The following EFCAB13 variants were observed in gnomAD, a reference collection of about 807,000 sequenced individuals.
EFCAB13 encodes the protein EF-hand calcium-binding domain-containing protein 13.
A neutral mutation model predicts 110.2 loss-of-function variants in EFCAB13; 91 were observed. That is an observed-to-expected ratio of 0.83 (90% CI 0.70 to 0.98). The LOEUF is 0.98. Among genes scored for constraint, EFCAB13 ranks in the 50% least tolerant of loss-of-function variants. The pLI is 0.00. For missense variants in EFCAB13, 968 were observed against 1,119.4 expected (o/e 0.86, Z 1.93); for synonymous variants, 323 against 369.9 (o/e 0.87, Z 1.45).
At chr17:47,428,848 ATTG>A (rs1384695393) in intron 23 of EFCAB13, among the ~76,000 whole-genome samples, 2 of 152,116 alleles carry the variant, frequency 1.3e-5, no homozygotes, top group East Asian at 1.9e-4. Flanking sequence ...TTATGATTGT[ATTG>A]TTATTATGTA....
At chr17:47,397,202 C>T (rs968145969) in intron 17 of EFCAB13, among the ~76,000 whole-genome samples, 4 of 145,854 alleles carry the variant, frequency 2.7e-5, no homozygotes, top group East Asian at 5.7e-4. Context: ...TTGGTGGAGA[C>T]GGGGTTTCGC....
At chr17:47,421,362 T>A (rs944101632) in intron 23 of EFCAB13, among the ~76,000 whole-genome samples, 1 of 152,030 alleles carries the variant, frequency 6.6e-6, no homozygotes, top group Non-Finnish European at 1.5e-5. Flanking sequence ...CTGAAACATG[T>A]GTACTCAGGG....
At chr17:47,419,814 G>C (rs1904570633) in intron 23 of EFCAB13, among the ~76,000 whole-genome samples, 1 of 152,060 alleles carries the variant, frequency 6.6e-6, no homozygotes, top group Admixed American at 6.5e-5. Context: ...TTAAAAGGCT[G>C]TGAACATTGT....
intron 7 of EFCAB13, 35 bp from the exon 8 acceptor site, chr17:47,344,981 A>G (rs376846216): frequency 4.0e-6 from 6 of 1,517,178 alleles, no homozygotes; most frequent in Non-Finnish European, 4.5e-6. Context: ...GCATATTTTC[A>G]TTGCCACTTT....
At chr17:47,333,232 G>T (rs1352871879) in intron 4 of EFCAB13, among the ~76,000 whole-genome samples, 1 of 152,156 alleles carries the variant, frequency 6.6e-6, no homozygotes, top group Admixed American at 6.5e-5. Flanking sequence ...CCATTCGTAT[G>T]TCTTCTTTTG....
intron 17 of EFCAB13, among the ~76,000 whole-genome samples, chr17:47,400,975 T>G (rs2065775793): frequency 6.6e-6 from 1 of 152,118 alleles, no homozygotes; most frequent in Non-Finnish European, 1.5e-5. Flanking sequence ...AAAAGAAGCA[T>G]GAGGAATGGA....
At chr17:47,409,737 TA>T (rs1387622003) in intron 21 of EFCAB13, 46 bp downstream of exon 21, 10 of 1,415,218 alleles carry the variant, frequency 7.1e-6, no homozygotes, top group African/African-American at 1.4e-5. Flanking sequence ...TAATAAGAGA[TA>T]TTTTTTAGAA....
Position 47,374,787 on chromosome 17 carries a change from G to A in EFCAB13, c.1193G>A (p.Gly398Asp). The change falls in exon 12 of 25, where the codon GGT becomes GAT. Residue 398 changes from glycine (G) to aspartate (D), a missense_variant. By Grantham distance (94) the Gly-to-Asp change is moderately conservative. Transcript: ENST00000331493. Reference protein sequence around the residue: ...GINFKKHSEKGEIHDSKSKPQ... With the variant: ...GINFKKHSEKDEIHDSKSKPQ... Reference sequence around the variant, plus strand: ...AACTTTAAAAAACATTCAGAGAAGGGTGAAATTCATGACTCAAAGTCTAAA... The same window carrying A: ...AACTTTAAAAAACATTCAGAGAAGGATGAAATTCATGACTCAAAGTCTAAA... 10 of 1,614,042 alleles carry A rather than the reference G, an allele frequency of 6.2e-6. No homozygotes were observed. The South Asian group carries it at 6.6e-5, about 11-fold the overall frequency.
At chr17:47,423,035 C>T (rs1237574396) in intron 23 of EFCAB13, among the ~76,000 whole-genome samples, 2 of 152,038 alleles carry the variant, frequency 1.3e-5, no homozygotes, top group Non-Finnish European at 2.9e-5. Flanking sequence ...GAAAGGATGG[C>T]CTTTTAAATA....
At chr17:47,345,921 T>G (rs992434729) in intron 8 of EFCAB13, among the ~76,000 whole-genome samples, 2 of 152,160 alleles carry the variant, frequency 1.3e-5, no homozygotes, top group African/African-American at 4.8e-5. Context: ...AAATACTCAA[T>G]TATGTCACCT....
At chr17:47,335,378 T>C in intron 5 of EFCAB13, 22 bp downstream of exon 5, 1 of 1,561,554 alleles carries the variant, frequency 6.4e-7, no homozygotes, top group Non-Finnish European at 8.6e-7. Flanking sequence ...ACTCTGAACT[T>C]ACTTTATTGA....
chr17:47,342,948 C>A (rs2065394173), intron 6 of EFCAB13, among the ~76,000 whole-genome samples: 1 of 152,020 alleles, frequency 6.6e-6, no homozygotes, highest in Non-Finnish European at 1.5e-5. Flanking sequence ...CTATTTTTTA[C>A]CTCCAGAAAT....
chr17:47,327,222 G>A (rs2065291260), intron 3 of EFCAB13, among the ~76,000 whole-genome samples: 1 of 152,152 alleles, frequency 6.6e-6, no homozygotes, highest in Admixed American at 6.5e-5. Flanking sequence ...TTGGAGTGCA[G>A]TGGCGTGGTC....
chr17:47,381,567 A>G (rs995135714), intron 14 of EFCAB13, among the ~76,000 whole-genome samples: 5 of 152,212 alleles, frequency 3.3e-5, no homozygotes, highest in Non-Finnish European at 4.4e-5. Context: ...AGTTTTCTGC[A>G]TATGGGTAGC....
chr17:47,392,095 G>A (rs192388752), intron 15 of EFCAB13, among the ~76,000 whole-genome samples: 107 of 152,164 alleles, frequency 7.0e-4, no homozygotes, highest in African/African-American at 2.2e-3. Flanking sequence ...TTGTCTATGA[G>A]TTGATAATTG....
chr17:47,376,736 T>G, intron 12 of EFCAB13, among the ~76,000 whole-genome samples: 1 of 152,358 alleles, frequency 6.6e-6, no homozygotes, highest in African/African-American at 2.4e-5. Context: ...CCATGAATGT[T>G]CTTTTTCAAT....
At chr17:47,393,985 C>A (rs1389969408) in intron 15 of EFCAB13, 40 bp from the exon 16 acceptor site, 12 of 1,205,248 alleles carry the variant, frequency 1.0e-5, no homozygotes, top group Non-Finnish European at 1.2e-5. Context: ...CATAATAATA[C>A]TTAAAAGATG....
chr17:47,364,830 T>C (rs1200364515), intron 10 of EFCAB13, among the ~76,000 whole-genome samples: 1 of 152,258 alleles, frequency 6.6e-6, no homozygotes, highest in Non-Finnish European at 1.5e-5. Flanking sequence ...TTGTGGGTTC[T>C]GGCTTTTGCC....
chr17:47,379,559 G>GT (rs754100093), intron 14 of EFCAB13, among the ~76,000 whole-genome samples: 2 of 108,678 alleles, frequency 1.8e-5, no homozygotes. Flanking sequence ...GGGTGATATG[G>GT]TTTGTTTTTT....
Sources: allele counts gnomAD v4.1 joint callset (sites outside exome capture counted in the v4.1 genomes callset), GRCh38; gene constraint gnomAD v4.1.1; transcripts MANE v1.5; gene names NCBI Gene and HGNC (gene_info 2026-07-23, HGNC 2026-07-21).